PSMD1: variants seen among roughly 807,000 people sequenced by gnomAD.
The protein encoded by PSMD1 is proteasome 26S subunit, non-ATPase 1, also known as 26S proteasome non-ATPase regulatory subunit 1.
PSMD1 carries 18 observed loss-of-function variants against 119.0 expected under a neutral mutation model. The observed-to-expected ratio is 0.15, with a 90% CI of 0.10 to 0.22. The LOEUF is 0.22. Among genes scored for constraint, PSMD1 ranks in the 10% least tolerant of loss-of-function variants. PSMD1 has a pLI of 1.00. For synonymous variants in PSMD1, 374 were observed against 396.6 expected (o/e 0.94, Z 0.68); for missense variants, 702 against 1,158.5 (o/e 0.61, Z 5.72).
Position 231,080,271 on chromosome 2 carries a change from T to C in PSMD1, c.1370T>C (p.Ile457Thr). ...ATTCATGCCAATCATGGTGGTGATA[T>C]AATTGACTATCTGCTTAATCAGCTT... is the stretch of plus-strand genomic sequence containing the variant. ...GLIHANHGGD[I>T]IDYLLNQLKN... Residue 457 changes from isoleucine to threonine, a missense_variant, in exon 12 of 25, where the codon ATA becomes ACA. By Grantham distance (89) the Ile-to-Thr change is moderately conservative (BLOSUM62 -1). Coordinates refer to ENST00000308696, the MANE Select transcript of PSMD1 (RefSeq NM_002807.4). The C allele has an allele frequency of 6.2e-7, 1 of 1,612,954 alleles. No individual in the cohort carries two copies. Among genetic ancestry groups the C allele is most frequent in the Non-Finnish European group, 8.5e-7 (1 of 1,179,132 alleles).
chr2:231,070,272 C>A, intron 6 of PSMD1, 104 bp downstream of exon 6: 1 of 947,148 alleles, frequency 1.1e-6, no homozygotes, highest in Non-Finnish European at 1.4e-6. Context: ...TGGCTTTATA[C>A]ATGTATCTCA....
chr2:231,152,687 CTCAAA>C (rs1696399075), intron 18 of PSMD1, among the ~76,000 whole-genome samples: 1 of 152,130 alleles, frequency 6.6e-6, no homozygotes. Flanking sequence ...TATTAGGAAA[CTCAAA>C]TTTGATATTT....
At chr2:231,098,060 C>T (rs535825520) in intron 16 of PSMD1, among the ~76,000 whole-genome samples, 13 of 152,350 alleles carry the variant, frequency 8.5e-5, no homozygotes, top group Non-Finnish European at 1.3e-4. Context: ...TGTTGGGAGA[C>T]GGAAGCTGGA....
Position 231,072,373 on chromosome 2 carries a change from G to A in PSMD1, c.839G>A (p.Gly280Glu), listed in dbSNP as rs1428498328. The change falls in exon 7 of 25, where the codon GGA becomes GAA. Residue 280 changes from glycine to glutamate, a missense_variant. By Grantham distance (98) the Gly-to-Glu change is moderately conservative (BLOSUM62 -2). Transcript: ENST00000308696. The part of the protein sequence containing the change: ...TVGTPIASVP[G>E]STNTGTVPGS... ...GGCACCCCTATTGCTTCTGTGCCTG[G>A]ATCCACTAATACGGGTACTGTTCCG... 1 of 1,613,896 alleles carries A rather than the reference G, an allele frequency of 6.2e-7. No individual in the cohort carries two copies. The highest frequency in any genetic ancestry group is 1.1e-5 in the South Asian group (1 of 91,080).
At chr2:231,060,477 T>C (rs1333446960) in intron 1 of PSMD1, 1 of 152,246 alleles carries the variant, frequency 6.6e-6, no homozygotes, top group East Asian at 1.9e-4. Flanking sequence ...CTTTGTGGTC[T>C]TAGTACAATA....
At chr2:231,079,376 C>A (rs1225886987) in intron 10 of PSMD1, among the ~76,000 whole-genome samples, 160 bp from the exon 11 acceptor site, 9 of 151,976 alleles carry the variant, frequency 5.9e-5, no homozygotes, top group African/African-American at 2.2e-4. Context: ...ATACTAAGAA[C>A]AACTTAAGAG....
intron 16 of PSMD1, among the ~76,000 whole-genome samples, chr2:231,130,854 C>G (rs1243870765): frequency 6.6e-6 from 1 of 151,826 alleles, no homozygotes; most frequent in Non-Finnish European, 1.5e-5. Context: ...AATGCTGATC[C>G]AAGGTATTAT....
chr2:231,087,927 A>T lies in PSMD1; in HGVS notation c.1883+746A>T, dbSNP rs139399260. Among the ~76,000 whole-genome samples the T allele has an allele frequency of 7.7e-3, 1,169 of 151,310 alleles. 23 individuals carry two copies. The highest frequency in any genetic ancestry group is 0.027 in the African/African-American group (1,125 of 41,176). The stretch of plus-strand genomic sequence containing the variant: ...CAGTGAGCCGAGATCGCGCCACTGC[A>T]CTCCAGCCTGGGGTGACAGAGTGAG... On this transcript the variant is annotated intron_variant, in intron 16 of 24. Coordinates refer to ENST00000308696, the MANE Select transcript of PSMD1 (RefSeq NM_002807.4).
chr2:231,088,877 C>G (rs1694517806), intron 16 of PSMD1, among the ~76,000 whole-genome samples: 1 of 152,144 alleles, frequency 6.6e-6, no homozygotes, highest in Non-Finnish European at 1.5e-5. Context: ...AAAGGTAGGC[C>G]TCTTGCATCA....
chr2:231,132,648 A>G (rs1695880232), intron 16 of PSMD1, among the ~76,000 whole-genome samples: 1 of 152,198 alleles, frequency 6.6e-6, no homozygotes, highest in Non-Finnish European at 1.5e-5. Flanking sequence ...GTATTGTTTT[A>G]TGGATAAGGC....
At chr2:231,074,071 A>G (rs767537119) in intron 7 of PSMD1, among the ~76,000 whole-genome samples, 1 of 151,974 alleles carries the variant, frequency 6.6e-6, no homozygotes, top group Admixed American at 6.6e-5. Flanking sequence ...CAGTGAAAAA[A>G]ATCTTTAATT....
intron 16 of PSMD1, among the ~76,000 whole-genome samples, chr2:231,134,173 A>G (rs573752718): frequency 6.6e-6 from 1 of 152,378 alleles, no homozygotes; most frequent in South Asian, 2.1e-4. Context: ...GTATAGTAAT[A>G]CTAAAGAGCA....
chr2:231,169,579 T>C (rs1388193607), intron 23 of PSMD1, among the ~76,000 whole-genome samples: 2 of 152,232 alleles, frequency 1.3e-5, no homozygotes, highest in Admixed American at 6.5e-5. Context: ...GGCAGAGTTC[T>C]GATGAGTAAA....
Position 231,067,118 on chromosome 2 carries a change from A to G in PSMD1, c.510+7A>G. On this transcript the variant is annotated splice_region_variant and intron_variant, in intron 5 of 24. Transcript: ENST00000308696. Reference sequence around the variant, plus strand: ...AAAGACCATACTGGAGTCGGTAGGTAGATGATGTTATTTTAGAAATTATTG... The same window carrying G: ...AAAGACCATACTGGAGTCGGTAGGTGGATGATGTTATTTTAGAAATTATTG... 1 of 1,552,644 alleles carries G rather than the reference A, an allele frequency of 6.4e-7. No individual in the cohort carries two copies. The highest frequency in any genetic ancestry group is 8.7e-7 in the Non-Finnish European group (1 of 1,152,694).
At chr2:231,133,408 A>G (rs1233110086) in intron 16 of PSMD1, 1 of 152,230 alleles carries the variant, frequency 6.6e-6, no homozygotes, top group African/African-American at 2.4e-5. Flanking sequence ...TTATAAATTC[A>G]TAATTCTGCT....
intron 21 of PSMD1, among the ~76,000 whole-genome samples, chr2:231,164,249 T>C (rs755134393): frequency 2.7e-4 from 41 of 152,216 alleles, no homozygotes; most frequent in Non-Finnish European, 5.0e-4. Flanking sequence ...ATCTGTAGGT[T>C]AGAATCCTGG....
intron 16 of PSMD1, among the ~76,000 whole-genome samples, chr2:231,104,757 C>T (rs1295345201): frequency 6.6e-6 from 1 of 152,054 alleles, no homozygotes; most frequent in Admixed American, 6.5e-5. Context: ...GTCAGAGCAC[C>T]ATCTTTTTGA....
At chr2:231,167,213 C>T (rs1376830247) in intron 23 of PSMD1, among the ~76,000 whole-genome samples, 2 of 152,050 alleles carry the variant, frequency 1.3e-5, no homozygotes, top group Non-Finnish European at 2.9e-5. Flanking sequence ...GATCTGCAAC[C>T]TGGTTCATCT....
At chr2:231,101,884 G>C (rs968973117) in intron 16 of PSMD1, among the ~76,000 whole-genome samples, 4 of 152,184 alleles carry the variant, frequency 2.6e-5, no homozygotes, top group African/African-American at 9.7e-5. Flanking sequence ...GCAGTGGTGT[G>C]ATCATTGCTC....
Sources: gnomAD v4.1 joint callset for allele counts (sites outside exome capture counted in the v4.1 genomes callset) on GRCh38, gnomAD v4.1.1 for gene constraint, MANE v1.5 for transcripts, NCBI Gene and HGNC (gene_info 2026-07-23, HGNC 2026-07-21) for gene names.